Variants in GBF1 observed in about 807,000 individuals in gnomAD.
GBF1 encodes the protein golgi brefeldin A resistant guanine nucleotide exchange factor 1, also known as Golgi-specific brefeldin A-resistance guanine nucleotide exchange factor 1.
In GBF1, 114 loss-of-function variants were observed where a neutral mutation model predicts 210.5. The observed-to-expected ratio is 0.54, with a 90% CI of 0.47 to 0.63. The LOEUF is 0.63. Among genes scored for constraint, GBF1 ranks in the 30% least tolerant of loss-of-function variants. The pLI is 0.00. For synonymous variants in GBF1, 850 were observed against 889.2 expected, an observed-to-expected ratio of 0.96 and a Z score of 0.78; for missense variants, 1,851 against 2,357.7, an observed-to-expected ratio of 0.79 and a Z score of 4.45.
chr10:102,380,738 T>G (rs1205870861), intron 38 of GBF1, 52 bp downstream of exon 38: 1 of 1,439,282 alleles, frequency 6.9e-7, no homozygotes, highest in Non-Finnish European at 9.6e-7. Context: ...CTGGGCACAA[T>G]GGCTCACACC....
rs1416413397 is a variant in GBF1 at position 102,351,927 on chromosome 10, A to G, written c.499A>G (p.Ile167Val). 6.2e-7 allele frequency: 1 copy of G among 1,605,784 alleles called. No homozygotes were observed. Among genetic ancestry groups the G allele is most frequent in the Non-Finnish European group, 8.5e-7 (1 of 1,172,600 alleles). Residue 167 changes from isoleucine to valine, a missense_variant, in exon 6 of 40, where the codon ATC becomes GTC. Transcript: ENST00000369983. ...VCEIMQSCFR[I>V]CFEMRLSELL... The stretch of plus-strand genomic sequence containing the variant: ...TGAGATTATGCAGTCTTGCTTCCGG[A>G]TCTGCTTTGAAATGAGGCTCAGTGG...
At chr10:102,335,087 T>C (rs1454918098) in intron 3 of GBF1, among the ~76,000 whole-genome samples, 2 of 152,094 alleles carry the variant, frequency 1.3e-5, no homozygotes, top group African/African-American at 4.8e-5. Context: ...TGGGTTGAAG[T>C]GACTCATGAG....
chr10:102,251,214 G>T (rs10883720), intron 1 of GBF1, among the ~76,000 whole-genome samples: 4 of 152,034 alleles, frequency 2.6e-5, no homozygotes, highest in Non-Finnish European at 4.4e-5. Context: ...GTAAATGTGG[G>T]TTCTTTTTAC....
At chr10:102,353,147 C>G (rs2059106194) in intron 7 of GBF1, among the ~76,000 whole-genome samples, 1 of 152,148 alleles carries the variant, frequency 6.6e-6, no homozygotes, top group Non-Finnish European at 1.5e-5. Flanking sequence ...TATCTACAGA[C>G]TAGACTGCCC....
At chr10:102,381,973 CTA>C in intron 39 of GBF1, 81 bp from the exon 40 acceptor site, 1 of 1,246,582 alleles carries the variant, frequency 8.0e-7, no homozygotes, top group South Asian at 1.5e-5. Flanking sequence ...AACAGAGACT[CTA>C]TAAGCAGCCA....
chr10:102,375,333 C>A, intron 29 of GBF1, 26 bp from the exon 30 acceptor site: 1 of 1,394,148 alleles, frequency 7.2e-7, no homozygotes. Flanking sequence ...CCCGCTTCCC[C>A]GCTCCCTGCC....
At position 102,320,005 on chromosome 10, in the gene GBF1, G is replaced by A. The variant is rs1455029965; in HGVS notation, c.164-24046G>A. On this transcript the variant is annotated intron_variant, in intron 3 of 39. Transcript: ENST00000369983. The stretch of plus-strand genomic sequence containing the variant: ...CTTCCAAAGTGCTGGGATTACAGGC[G>A]TGAACCACTGCACCTGGCCCATTTC... 5.9e-5 allele frequency among the ~76,000 whole-genome samples: 9 copies of A among 151,984 alleles called. No individual in the cohort carries two copies. In the South Asian group the frequency reaches 6.2e-4, roughly 10 times the overall value.
chr10:102,238,109 T>C, the GBF1 span, among the ~76,000 whole-genome samples: 5 of 152,260 alleles, frequency 3.3e-5, no homozygotes, highest in African/African-American at 1.2e-4. Flanking sequence ...TTTTGAAAGT[T>C]ATTCCTCTCT....
rs774830479 is a variant in GBF1 at position 102,379,973 on chromosome 10, T to C, written c.4878+19T>C. On this transcript the variant is annotated intron_variant, in intron 36 of 39. Transcript: ENST00000369983. ...CTCTAAGGTACTGCTCACCACCCTA[T>C]ACCCACCCTCTCTCCCATACCTGCC... 1 of 1,492,478 alleles carries C rather than the reference T, an allele frequency of 6.7e-7. No homozygotes were observed. The highest frequency in any genetic ancestry group is 1.7e-5 in the Admixed American group (1 of 57,950). 92.5% of individuals were successfully genotyped at this position (1,492,478 alleles called of 1,614,324 possible).
chr10:102,261,782 C>T (rs973930577), intron 3 of GBF1, among the ~76,000 whole-genome samples: 7 of 151,708 alleles, frequency 4.6e-5, no homozygotes, highest in African/African-American at 7.3e-5. Flanking sequence ...CCACCACACC[C>T]GACTAATTTT....
chr10:102,236,313 A>G, the GBF1 span, among the ~76,000 whole-genome samples: 2 of 152,218 alleles, frequency 1.3e-5, no homozygotes, highest in Non-Finnish European at 2.9e-5. Context: ...GGATTGGTTG[A>G]TGCTAGTAAG....
rs1315623677 is a variant in GBF1 at position 102,358,656 on chromosome 10, G to T, written c.938G>T (p.Gly313Val). The change falls in exon 10 of 40, where the codon GGC (glycine) becomes GTC (valine). Residue 313 changes from glycine (G) to valine (V), a missense_variant. By Grantham distance (109) the Gly-to-Val change is moderately radical. Coordinates refer to ENST00000369983, the MANE Select transcript of GBF1 (RefSeq NM_001377137.1). ...KEDLTDLEQP[G>V]SPGYSTATEP... is the part of the protein sequence containing the mutation. ...GACCTTACTGATCTAGAGCAACCTGGCTCTCCAGGGTACAGCACAGCTACA... is the reference window on the plus strand; with the variant it reads ...GACCTTACTGATCTAGAGCAACCTGTCTCTCCAGGGTACAGCACAGCTACA... 1 of 1,614,060 alleles carries T rather than the reference G, an allele frequency of 6.2e-7. No individual in the cohort carries two copies. The highest frequency in any genetic ancestry group is 8.5e-7 in the Non-Finnish European group (1 of 1,179,954).
At chr10:102,370,656 C>T (rs1412056086) in intron 28 of GBF1, 51 bp from the exon 29 acceptor site, 3 of 1,587,946 alleles carry the variant, frequency 1.9e-6, no homozygotes, top group Non-Finnish European at 2.6e-6. Context: ...GGACCTGTTG[C>T]CCAGTGGCCC....
At chr10:102,343,886 A>G (rs942639947) in intron 3 of GBF1, among the ~76,000 whole-genome samples, 165 bp from the exon 4 acceptor site, 1 of 152,142 alleles carries the variant, frequency 6.6e-6, no homozygotes, top group African/African-American at 2.4e-5. Context: ...AAAATTTTAC[A>G]GATAAAATGA....
chr10:102,293,518 A>T (rs1237364183), intron 3 of GBF1, among the ~76,000 whole-genome samples: 1 of 152,210 alleles, frequency 6.6e-6, no homozygotes, highest in East Asian at 1.9e-4. Context: ...TCCAGAAAGC[A>T]TTATTATCAT....
At chr10:102,236,509 C>T in the GBF1 span, among the ~76,000 whole-genome samples, 1 of 152,140 alleles carries the variant, frequency 6.6e-6, no homozygotes, top group East Asian at 1.9e-4. Context: ...AGAGGGCCTA[C>T]AGGTATGCTC....
rs2060447144 is a variant in GBF1, at chr10:102,375,521, G to A, written c.3823G>A (p.Gly1275Ser). The change falls in exon 30 of 40, where the codon GGC (glycine) becomes AGC (serine). Residue 1275 changes from glycine to serine, a missense_variant. Physicochemically the swap from Gly to Ser is moderately conservative, Grantham distance 56. Coordinates refer to ENST00000369983, the MANE Select transcript of GBF1 (RefSeq NM_001377137.1). ...ATLFTLLECIGSGVKPPAALQ... is the reference protein window; with the variant it reads ...ATLFTLLECISSGVKPPAALQ... ...ACTCTTCACACTGCTGGAGTGCATC[G>A]GCTCAGGTGTGAAGCCTCCAGCTGC... The A allele has an allele frequency of 1.2e-6, 2 of 1,614,054 alleles. No individual in the cohort carries two copies. Among genetic ancestry groups the A allele is most frequent in the Non-Finnish European group, 1.7e-6 (2 of 1,179,926 alleles).
chr10:102,327,236 T>C (rs1196777770), intron 3 of GBF1, among the ~76,000 whole-genome samples: 1 of 152,170 alleles, frequency 6.6e-6, no homozygotes, highest in Non-Finnish European at 1.5e-5. Context: ...GGGATCCTCA[T>C]GATGTGGCTT....
intron 30 of GBF1, among the ~76,000 whole-genome samples, chr10:102,375,842 C>T (rs977995248): frequency 2.6e-5 from 4 of 151,960 alleles, no homozygotes; most frequent in African/African-American, 9.7e-5. Context: ...GACTGTTTCC[C>T]AGTTTCTGTT....
Sources: gnomAD v4.1 joint callset for allele counts (sites outside exome capture counted in the v4.1 genomes callset) on GRCh38, gnomAD v4.1.1 for gene constraint, MANE v1.5 for transcripts, NCBI Gene and HGNC (gene_info 2026-07-23, HGNC 2026-07-21) for gene names.